DLGAP1: variants seen among roughly 807,000 people sequenced by gnomAD.
DLGAP1 encodes the protein DLG associated protein 1, also known as disks large-associated protein 1.
Under a neutral mutation model 90.8 loss-of-function variants are expected in DLGAP1, and 11 were observed. The observed-to-expected ratio is 0.12, with a 90% CI of 0.08 to 0.20. DLGAP1 has a LOEUF of 0.20. Among genes scored for constraint, DLGAP1 ranks in the 10% least tolerant of loss-of-function variants. DLGAP1 has a pLI of 1.00. For synonymous variants in DLGAP1, 558 were observed against 540.7 expected (o/e 1.03, Z -0.44); for missense variants, 1,050 against 1,333.8 (o/e 0.79, Z 3.31).
chr18:4,188,353 G>T (rs151156600), intron 1 of DLGAP1, among the ~76,000 whole-genome samples: 42 of 152,186 alleles, frequency 2.8e-4, no homozygotes, highest in African/African-American at 1.0e-3. Context: ...TGCAGAATGT[G>T]CAGGTTTGTT....
chr18:3,966,536 C>T (rs8098880), intron 3 of DLGAP1, among the ~76,000 whole-genome samples: 56,836 of 150,654 alleles, frequency 0.38, 10,950 homozygotes, highest in Non-Finnish European at 0.41. Context: ...AGATGAGATA[C>T]TAAAAAAAAT....
intron 7 of DLGAP1, among the ~76,000 whole-genome samples, chr18:3,649,795 TAAAAA>T (rs71996354): frequency 1.4e-5 from 2 of 148,086 alleles, no homozygotes; most frequent in African/African-American, 5.0e-5. Flanking sequence ...AAGATAAACT[TAAAAA>T]AAAAAGTAAA....
chr18:3,894,031 T>C (rs1402634116), intron 3 of DLGAP1, among the ~76,000 whole-genome samples: 1 of 152,226 alleles, frequency 6.6e-6, no homozygotes, highest in East Asian at 1.9e-4. Flanking sequence ...TTGAAAAATA[T>C]CTGTTCATGT....
intron 1 of DLGAP1, among the ~76,000 whole-genome samples, chr18:4,392,647 A>G (rs1000838389): frequency 1.3e-5 from 2 of 152,294 alleles, no homozygotes; most frequent in East Asian, 3.9e-4. Flanking sequence ...ATAATCTACT[A>G]AACTCTGTAA....
At chr18:3,955,072 G>T (rs374082130) in intron 3 of DLGAP1, among the ~76,000 whole-genome samples, 1 of 152,220 alleles carries the variant, frequency 6.6e-6, no homozygotes, top group African/African-American at 2.4e-5. Context: ...CCAGGCTGCG[G>T]GGGGGAAGGA....
chr18:4,257,990 TGTGTGTGTGTGTGTGTGTGTGCGC>T (rs2078926967), intron 1 of DLGAP1, among the ~76,000 whole-genome samples: 1 of 142,814 alleles, frequency 7.0e-6, no homozygotes, highest in African/African-American at 3.0e-5. Context: ...TGTGTGTGTG[TGTGTGTGTGTGTGTGTGTGTGCGC>T]GCGCGCGCGT....
intron 7 of DLGAP1, chr18:3,603,919 A>G (rs527585060): frequency 1.2e-4 from 19 of 154,536 alleles, no homozygotes; most frequent in Middle Eastern, 5.2e-4. Flanking sequence ...AAAGATTTAG[A>G]AGAAGGATGG....
At chr18:4,015,992 G>A (rs1451177797) in intron 2 of DLGAP1, among the ~76,000 whole-genome samples, 2 of 152,154 alleles carry the variant, frequency 1.3e-5, no homozygotes, top group Non-Finnish European at 2.9e-5. Context: ...AAAAACAAAA[G>A]TTCTCCTTCC....
At chr18:3,999,696 A>G (rs2074141537) in intron 3 of DLGAP1, among the ~76,000 whole-genome samples, 1 of 111,416 alleles carries the variant, frequency 9.0e-6, no homozygotes, top group South Asian at 3.5e-4. Context: ...TGTATATTTC[A>G]AGTGTCGCTT....
Position 3,691,371 on chromosome 18 carries a change from T to C in DLGAP1, c.1591+37764A>G, listed in dbSNP as rs1481905513. 2.0e-5 allele frequency among the ~76,000 whole-genome samples: 3 copies of C among 150,510 alleles called. No homozygotes were observed. The Admixed American group carries it at 2.0e-4, about 10-fold the overall frequency. On this transcript the variant is annotated intron_variant, in intron 7 of 12. Transcript: ENST00000315677. ...TGAACCTGGGAGATGGAGGTTGCAG[T>C]GAGCTACATCGCGCCACTGCATTCC...
At chr18:3,606,008 G>T (rs1188726068) in intron 7 of DLGAP1, among the ~76,000 whole-genome samples, 1 of 151,972 alleles carries the variant, frequency 6.6e-6, no homozygotes, top group Non-Finnish European at 1.5e-5. Context: ...GGCAGGTCGG[G>T]ACATTAAGAA....
chr18:3,778,833 AGG>A (rs1418814955), intron 5 of DLGAP1, among the ~76,000 whole-genome samples: 47 of 152,288 alleles, frequency 3.1e-4, no homozygotes, highest in African/African-American at 1.1e-3. Context: ...CCTGACAGAA[AGG>A]GAGATCCTGC....
chr18:3,770,399 C>T (rs1219753289), intron 5 of DLGAP1, among the ~76,000 whole-genome samples: 2 of 152,102 alleles, frequency 1.3e-5, no homozygotes, highest in African/African-American at 4.8e-5. Context: ...TGCCTTACCC[C>T]CACATCACTG....
intron 1 of DLGAP1, among the ~76,000 whole-genome samples, chr18:4,402,709 A>G (rs1042895887): frequency 6.6e-6 from 1 of 152,178 alleles, no homozygotes; most frequent in East Asian, 1.9e-4. Flanking sequence ...AAAAAGAAAA[A>G]TTAGAGGAAG....
chr18:3,541,026 G>C (rs1279726037), intron 9 of DLGAP1, among the ~76,000 whole-genome samples: 1 of 152,096 alleles, frequency 6.6e-6, no homozygotes, highest in Non-Finnish European at 1.5e-5. Flanking sequence ...TGAACTGAAT[G>C]TGCCCCCAGA....
intron 3 of DLGAP1, among the ~76,000 whole-genome samples, chr18:4,000,710 C>T (rs1192482134): frequency 2.0e-5 from 3 of 152,158 alleles, no homozygotes; most frequent in African/African-American, 4.8e-5. Flanking sequence ...ATCTGCTTTC[C>T]TTAATATTTC....
chr18:4,236,052 A>G (rs1286694164), intron 1 of DLGAP1, among the ~76,000 whole-genome samples: 5 of 152,084 alleles, frequency 3.3e-5, no homozygotes, highest in African/African-American at 1.2e-4. Flanking sequence ...ATCTTCATGT[A>G]GCAGGAACTT....
In DLGAP1 at chr18:4,281,599, T is replaced by C. The variant is rs565792606; in HGVS notation, c.-266-130312A>G. ...AGAAAATTTGCACTGATATTGGTTATGTCTGCAATAATTCGCTTTCATTTC... is the reference window on the plus strand; with the variant it reads ...AGAAAATTTGCACTGATATTGGTTACGTCTGCAATAATTCGCTTTCATTTC... On this transcript the variant is annotated intron_variant, in intron 1 of 12. Transcript: ENST00000315677. Among the ~76,000 whole-genome samples, 28 of 152,330 alleles carry C rather than the reference T, an allele frequency of 1.8e-4. No individual in the cohort carries two copies. In the South Asian group the frequency reaches 2.7e-3, roughly 15 times the overall value.
At chr18:3,515,314 A>T (rs2143995234) in intron 10 of DLGAP1, among the ~76,000 whole-genome samples, 1 of 151,666 alleles carries the variant, frequency 6.6e-6, no homozygotes, top group African/African-American at 2.4e-5. Context: ...GCTAAAAAAT[A>T]GAAAAAATTA....
Sources: gnomAD v4.1 joint callset for allele counts (sites outside exome capture counted in the v4.1 genomes callset) on GRCh38, gnomAD v4.1.1 for gene constraint, MANE v1.5 for transcripts, NCBI Gene and HGNC (gene_info 2026-07-23, HGNC 2026-07-21) for gene names.